INPP4B: variants seen among roughly 807,000 people sequenced by gnomAD.
INPP4B encodes inositol polyphosphate-4-phosphatase type II B.
INPP4B carries 55 observed loss-of-function variants against 122.5 expected under a neutral mutation model. The ratio of observed to expected loss-of-function variants is 0.45; its 90% CI spans 0.36 to 0.56. The LOEUF is 0.56. Ranked by LOEUF, INPP4B falls within the 20% of genes least tolerant of loss-of-function variation. The probability of loss-of-function intolerance (pLI) is 0.00; values close to 1 mark genes in which losing one functional copy is unlikely to be tolerated. For synonymous variants in INPP4B, 403 were observed against 388.7 expected (o/e 1.04, Z -0.43); for missense variants, 1,000 against 1,097.7 (o/e 0.91, Z 1.26).
chr4:142,089,295 G>A (rs1778304297), intron 23 of INPP4B, among the ~76,000 whole-genome samples: 1 of 152,106 alleles, frequency 6.6e-6, no homozygotes, highest in African/African-American at 2.4e-5. Context: ...AGTTTTGAAA[G>A]CAATACAGAA....
chr4:142,586,377 T>C (rs967569636), intron 2 of INPP4B, among the ~76,000 whole-genome samples: 5 of 151,870 alleles, frequency 3.3e-5, no homozygotes, highest in Admixed American at 2.6e-4. Context: ...AATCCCTAAG[T>C]CTCCTTGTGT....
intron 7 of INPP4B, chr4:142,317,270 C>T: frequency 2.8e-6 from 1 of 357,188 alleles, no homozygotes; most frequent in Non-Finnish European, 5.6e-6. Context: ...AACAAACTAC[C>T]AAAACCGCAG....
chr4:142,353,125 A>T (rs1782433988), intron 7 of INPP4B, among the ~76,000 whole-genome samples: 1 of 152,018 alleles, frequency 6.6e-6, no homozygotes, highest in African/African-American at 2.4e-5. Flanking sequence ...TCCATTATAA[A>T]AAACGATGTC....
intron 2 of INPP4B, among the ~76,000 whole-genome samples, chr4:142,558,152 C>G (rs184399667): frequency 5.4e-4 from 82 of 152,198 alleles, no homozygotes; most frequent in African/African-American, 1.8e-3. Context: ...CTGGAAGAGC[C>G]CACAAGTTCT....
chr4:142,056,898 T>C (rs1758000652), intron 25 of INPP4B, among the ~76,000 whole-genome samples: 1 of 152,112 alleles, frequency 6.6e-6, no homozygotes, highest in South Asian at 2.1e-4. Context: ...AGACACCAAC[T>C]TTTGAGCTGC....
intron 5 of INPP4B, among the ~76,000 whole-genome samples, chr4:142,411,560 C>A (rs758861040): frequency 6.6e-6 from 1 of 152,012 alleles, no homozygotes; most frequent in Admixed American, 6.6e-5. Context: ...GGCCAGAGTA[C>A]AGAGGACATT....
At chr4:142,447,416 G>C (rs1466070494) in intron 3 of INPP4B, among the ~76,000 whole-genome samples, 3 of 152,166 alleles carry the variant, frequency 2.0e-5, no homozygotes, top group Admixed American at 2.0e-4. Context: ...CATTAAAGAA[G>C]AAAGATGTAA....
intron 1 of INPP4B, among the ~76,000 whole-genome samples, chr4:142,807,861 T>G (rs28508323): frequency 0.033 from 4,995 of 152,318 alleles, 87 homozygotes; most frequent in African/African-American, 0.053. Context: ...TATCTAAATA[T>G]GCTAACATTT....
chr4:142,774,138 C>T (rs988005566), intron 1 of INPP4B, among the ~76,000 whole-genome samples: 2 of 152,048 alleles, frequency 1.3e-5, no homozygotes, highest in African/African-American at 2.4e-5. Context: ...TTATTTCTCC[C>T]TTTCTATCCA....
At chr4:142,488,619 T>G (rs1028709897) in intron 2 of INPP4B, among the ~76,000 whole-genome samples, 1 of 152,110 alleles carries the variant, frequency 6.6e-6, no homozygotes, top group African/African-American at 2.4e-5. Context: ...AAGTTGTGAT[T>G]TTTTAAGAGA....
intron 5 of INPP4B, among the ~76,000 whole-genome samples, chr4:142,410,157 A>G (rs1804295048): frequency 1.3e-5 from 2 of 152,228 alleles, no homozygotes; most frequent in African/African-American, 4.8e-5. Context: ...AATTTGAAGT[A>G]GAACACAACT....
At chr4:142,318,752 A>T (rs1301683804) in intron 7 of INPP4B, among the ~76,000 whole-genome samples, 3 of 152,106 alleles carry the variant, frequency 2.0e-5, no homozygotes, top group Non-Finnish European at 2.9e-5. Flanking sequence ...TGCTCTATCA[A>T]CCCCAGAAGT....
chr4:142,400,345 C>T (rs943248268), intron 7 of INPP4B, among the ~76,000 whole-genome samples: 1 of 152,096 alleles, frequency 6.6e-6, no homozygotes, highest in Non-Finnish European at 1.5e-5. Flanking sequence ...TATCTTAAAA[C>T]ACATGCACAC....
intron 1 of INPP4B, among the ~76,000 whole-genome samples, chr4:142,739,110 T>C (rs1232969772): frequency 6.6e-6 from 1 of 152,058 alleles, no homozygotes; most frequent in Non-Finnish European, 1.5e-5. Flanking sequence ...AAATATCCCT[T>C]TGAAAACCAT....
intron 5 of INPP4B, among the ~76,000 whole-genome samples, chr4:142,410,316 G>C (rs1804337677): frequency 6.6e-6 from 1 of 152,224 alleles, no homozygotes; most frequent in Admixed American, 6.5e-5. Context: ...ACTGTGAATT[G>C]GTGGTCAACC....
chr4:142,588,076 A>G (rs1466779155), intron 2 of INPP4B, among the ~76,000 whole-genome samples: 1 of 151,976 alleles, frequency 6.6e-6, no homozygotes, highest in Admixed American at 6.6e-5. Context: ...ATATGATTTT[A>G]TCAAATACAG....
At chr4:142,184,366 T>C (rs948746158) in intron 15 of INPP4B, among the ~76,000 whole-genome samples, 1 of 152,208 alleles carries the variant, frequency 6.6e-6, no homozygotes, top group Non-Finnish European at 1.5e-5. Context: ...GAAACACTAA[T>C]GTTATACCTG....
chr4:142,085,966 T>C (rs1393229252), intron 24 of INPP4B, among the ~76,000 whole-genome samples, 178 bp downstream of exon 24: 1 of 152,194 alleles, frequency 6.6e-6, no homozygotes, highest in Non-Finnish European at 1.5e-5. Flanking sequence ...TCTTCTATCT[T>C]ATGTTCTAGT....
At chr4:142,116,833 G>C (rs145682035) in intron 21 of INPP4B, among the ~76,000 whole-genome samples, 1,667 of 152,166 alleles carry the variant, frequency 0.011, 34 homozygotes, top group African/African-American at 0.038. Flanking sequence ...GAAGGAGATA[G>C]AGACACAAAA....
Sources: allele counts gnomAD v4.1 joint callset (sites outside exome capture counted in the v4.1 genomes callset), GRCh38; gene constraint gnomAD v4.1.1; transcripts MANE v1.5; gene names NCBI Gene and HGNC (gene_info 2026-07-23, HGNC 2026-07-21).